CRMP1: variants seen among roughly 807,000 people sequenced by gnomAD.
CRMP1 encodes collapsin response mediator protein 1, also known as dihydropyrimidinase-related protein 1.
CRMP1 carries 19 observed loss-of-function variants against 68.3 expected under a neutral mutation model. The observed-to-expected ratio is 0.28, with a 90% CI of 0.19 to 0.41. The LOEUF (loss-of-function observed/expected upper bound fraction) is 0.41. Among genes scored for constraint, CRMP1 ranks in the 10% least tolerant of loss-of-function variants. The pLI, the probability that CRMP1 is intolerant of heterozygous loss-of-function variation, is 1.00. For missense variants in CRMP1, 791 were observed against 967.4 expected (o/e 0.82, Z 2.42); for synonymous variants, 439 against 399.6 (o/e 1.10, Z -1.18).
rs1228788805 is a variant in CRMP1, at chr4:5,889,493, G to A, written c.381+3096C>T. 2.1e-6 allele frequency: 3 copies of A among 1,432,306 alleles called. No homozygotes were observed. The highest frequency in any genetic ancestry group is 2.8e-6 in the Non-Finnish European group (3 of 1,056,326). The allele number at this position is 1,432,306 out of a possible 1,614,324, so 88.7% of individuals were successfully genotyped here. On this transcript the variant is annotated intron_variant, in intron 1 of 13. Coordinates refer to ENST00000324989, the MANE Select transcript of CRMP1 (RefSeq NM_001014809.3). The surrounding 1 kb of genome is among the most constrained non-coding windows in gnomAD (Gnocchi z 4.5). Reference sequence around the variant, plus strand: ...CAGAGGGAGGTGGGCAGGAAGCCAGGTCACAGCTTGACAAGGTCCGTAACA... The same window carrying A: ...CAGAGGGAGGTGGGCAGGAAGCCAGATCACAGCTTGACAAGGTCCGTAACA...
intron 4 of CRMP1, 66 bp downstream of exon 4, chr4:5,856,077 C>T (rs1713031508): frequency 1.3e-6 from 2 of 1,579,184 alleles, no homozygotes; most frequent in Admixed American, 1.7e-5. Context: ...TTTCACTCCA[C>T]ATAATCTTTG....
chr4:5,836,672 G>T, intron 10 of CRMP1, 93 bp downstream of exon 10: 1 of 1,584,328 alleles, frequency 6.3e-7, no homozygotes, highest in Non-Finnish European at 8.7e-7. Context: ...TGTAAGAAGG[G>T]AACTTTTAAG....
In CRMP1 at chr4:5,888,391, G is replaced by C; in HGVS notation, c.381+4198C>G. On this transcript the variant is annotated intron_variant, in intron 1 of 13. Coordinates refer to ENST00000324989, the MANE Select transcript of CRMP1 (RefSeq NM_001014809.3). The surrounding 1 kb of genome is among the most constrained non-coding windows in gnomAD (Gnocchi z 6.4). ...CCCGGGAGGGATAGAGACACGGACG[G>C]AGGCTCGGCGCCCGTGGATGCCCAC... 1 of 1,222,282 alleles carries C rather than the reference G, an allele frequency of 8.2e-7. No homozygotes were observed. Among genetic ancestry groups the C allele is most frequent in the East Asian group, 3.2e-5 (1 of 30,848 alleles). The allele number at this position is 1,222,282 out of a possible 1,614,324, so 75.7% of individuals were successfully genotyped here.
chr4:5,821,947 A>C lies in CRMP1; in HGVS notation c.1970-96T>G, dbSNP rs1718656754. On this transcript the variant is annotated intron_variant, in intron 13 of 13. Transcript: ENST00000324989. The surrounding 1 kb of genome is among the most constrained non-coding windows in gnomAD (Gnocchi z 4.4). The stretch of plus-strand genomic sequence containing the variant: ...TGTACTCTGCCATGCACTCCACTGG[A>C]CCCACCTTCATTCAGGGCTCAGTCC... 2 of 1,127,130 alleles carry C rather than the reference A, an allele frequency of 1.8e-6. No individual in the cohort carries two copies. The highest frequency in any genetic ancestry group is 1.6e-5 in the African/African-American group (1 of 64,434). 69.8% of individuals were successfully genotyped at this position (1,127,130 alleles called of 1,614,324 possible).
At chr4:5,824,210 G>A (rs1464196382) in intron 13 of CRMP1, 3 of 785,962 alleles carry the variant, frequency 3.8e-6, no homozygotes, top group Non-Finnish European at 4.6e-6. Context: ...CTCCTTGAGA[G>A]CTTGTGTCTT....
Position 5,846,800 on chromosome 4 carries a change from A to G in CRMP1, c.963+2592T>C, listed in dbSNP as rs1712251831. On this transcript the variant is annotated intron_variant, in intron 6 of 13. Coordinates refer to ENST00000324989, the MANE Select transcript of CRMP1 (RefSeq NM_001014809.3). ...TTTTTTTTTTTTTTTTTTTTAGTAG[A>G]GGCAGTGTTTCGCCATGTTGGCCAG... is the stretch of plus-strand genomic sequence containing the variant. 8.2e-5 allele frequency among the ~76,000 whole-genome samples: 8 copies of G among 97,058 alleles called. No homozygotes were observed. In the East Asian group the frequency reaches 1.0e-3, roughly 12 times the overall value. The allele number at this position is 97,058 out of a possible 152,430, so 63.7% of individuals were successfully genotyped here.
chr4:5,863,113 TCC>T (rs1713707436), intron 2 of CRMP1, among the ~76,000 whole-genome samples: 1 of 112,620 alleles, frequency 8.9e-6, no homozygotes, highest in South Asian at 3.3e-4. Flanking sequence ...TTTCTTTTTT[TCC>T]TTTTTTTTTT....
rs1260825471 is a variant in CRMP1, at chr4:5,856,235, G to A, written c.728C>T (p.Thr243Ile). ...GAGGGAGTAATCACAGCAGGATTTGGTGTCAGCTGCTTCGTGCCACTTCTC... is the reference window on the plus strand; with the variant it reads ...GAGGGAGTAATCACAGCAGGATTTGATGTCAGCTGCTTCGTGCCACTTCTC... ...SFEKWHEAADTKSCCDYSLHV... is the reference protein window; with the variant it reads ...SFEKWHEAADIKSCCDYSLHV... Residue 243 changes from threonine (T) to isoleucine (I), a missense_variant, in exon 4 of 14, where the codon ACC becomes ATC. This residue lies in a region of CRMP1 where 594 missense variants were observed against 763.6 expected (regional missense o/e 0.78). Coordinates refer to ENST00000324989, the MANE Select transcript of CRMP1 (RefSeq NM_001014809.3). 1 of 1,613,880 alleles carries A rather than the reference G, an allele frequency of 6.2e-7. No individual in the cohort carries two copies. Among genetic ancestry groups the A allele is most frequent in the East Asian group, 2.2e-5 (1 of 44,900 alleles).
At chr4:5,844,511 C>T (rs1712036966) in intron 6 of CRMP1, among the ~76,000 whole-genome samples, 1 of 152,200 alleles carries the variant, frequency 6.6e-6, no homozygotes. Context: ...GGACTACACA[C>T]ATGCATTTGT....
rs1713397591 is a variant in CRMP1 at position 5,859,745 on chromosome 4, T to C, written c.655+1281A>G. On this transcript the variant is annotated intron_variant, in intron 3 of 13. Coordinates refer to ENST00000324989, the MANE Select transcript of CRMP1 (RefSeq NM_001014809.3). This position sits in a 1 kb window ranked among gnomAD's most constrained non-coding sequence, Gnocchi z 5.2. ...TTGGAAGAGGGATCAGGACAGTGCT[T>C]GCCTCAAAAGTCGAGCCCCACCCTC... 6.6e-6 allele frequency among the ~76,000 whole-genome samples: 1 copy of C among 152,080 alleles called. No individual in the cohort carries two copies. The highest frequency in any genetic ancestry group is 1.5e-5 in the Non-Finnish European group (1 of 68,004).
At position 5,879,081 on chromosome 4, in the gene CRMP1, TCTC is replaced by T. The variant is rs1214720344; in HGVS notation, c.382-12328_382-12326del. ...AATGCAAATCCAACCATGCCTCGCT[TCTC>T]CTCAAAATCCTTCACCAGCTTGTCC... On this transcript the variant is annotated intron_variant, in intron 1 of 13. Transcript: ENST00000324989. This position sits in a 1 kb window ranked among gnomAD's most constrained non-coding sequence, Gnocchi z 4.2. Among the ~76,000 whole-genome samples, 1 of 152,040 alleles carries T rather than the reference TCTC, an allele frequency of 6.6e-6. No individual in the cohort carries two copies. Among genetic ancestry groups the T allele is most frequent in the Non-Finnish European group, 1.5e-5 (1 of 67,996 alleles).
In CRMP1 at chr4:5,839,545, G is replaced by T. The variant is rs1340998808; in HGVS notation, c.1287C>A (p.Asp429Glu). The change falls in exon 9 of 14, where the codon GAC (aspartate) becomes GAA (glutamate). Residue 429 changes from aspartate (D) to glutamate (E), a missense_variant. Coordinates refer to ENST00000324989, the MANE Select transcript of CRMP1 (RefSeq NM_001014809.3). ...PPLSPDPTTP[D>E]YLTSLLACGD... ...ACCAGGCCAGTAGGGAGGTCAAGTA[G>T]TCGGGCGTGGTAGGGTCCGGGCTCA... 1.2e-6 allele frequency: 2 copies of T among 1,610,850 alleles called. No homozygotes were observed. Among genetic ancestry groups the T allele is most frequent in the Admixed American group, 1.7e-5 (1 of 59,626 alleles).
chr4:5,889,797 C>A lies in CRMP1; in HGVS notation c.381+2792G>T. 1 of 1,522,212 alleles carries A rather than the reference C, an allele frequency of 6.6e-7. No individual in the cohort carries two copies. Among genetic ancestry groups the A allele is most frequent in the Non-Finnish European group, 8.8e-7 (1 of 1,138,196 alleles). The allele number at this position is 1,522,212 out of a possible 1,614,324, so 94.3% of individuals were successfully genotyped here. On this transcript the variant is annotated intron_variant, in intron 1 of 13. Coordinates refer to ENST00000324989, the MANE Select transcript of CRMP1 (RefSeq NM_001014809.3). The surrounding 1 kb of genome is among the most constrained non-coding windows in gnomAD (Gnocchi z 4.5). ...GGCTGGGGCCCTGACCTTCACCACC[C>A]CAGGGGCCAGTCCCCTAATCCAGGG...
At chr4:5,863,647 A>G (rs1443783379) in intron 2 of CRMP1, among the ~76,000 whole-genome samples, 4 of 152,130 alleles carry the variant, frequency 2.6e-5, no homozygotes, top group Non-Finnish European at 5.9e-5. Context: ...GTGCAGAAGA[A>G]ACTCTCAACC....
In CRMP1 at chr4:5,850,157, C is replaced by T. The variant is rs1213179119; in HGVS notation, c.883-685G>A. Among the ~76,000 whole-genome samples the T allele has an allele frequency of 1.3e-5, 2 of 152,206 alleles. No homozygotes were observed. Among genetic ancestry groups the T allele is most frequent in the Admixed American group, 1.3e-4 (2 of 15,282 alleles). Reference sequence around the variant, plus strand: ...GCTCCCTCTCCAGGGACACTTGAACCTCAACTTTGTTCTCCATGCATGCAA... The same window carrying T: ...GCTCCCTCTCCAGGGACACTTGAACTTCAACTTTGTTCTCCATGCATGCAA... On this transcript the variant is annotated intron_variant, in intron 5 of 13. Coordinates refer to ENST00000324989, the MANE Select transcript of CRMP1 (RefSeq NM_001014809.3). This position sits in a 1 kb window ranked among gnomAD's most constrained non-coding sequence, Gnocchi z 4.4.
intron 6 of CRMP1, among the ~76,000 whole-genome samples, chr4:5,846,019 G>A (rs756849604): frequency 2.6e-4 from 40 of 152,154 alleles, no homozygotes; most frequent in Non-Finnish European, 4.6e-4. Flanking sequence ...TTTTAGGCTG[G>A]GCATGGTGGC....
At chr4:5,847,293 C>T (rs186686663) in intron 6 of CRMP1, among the ~76,000 whole-genome samples, 5 of 152,224 alleles carry the variant, frequency 3.3e-5, no homozygotes, top group African/African-American at 9.6e-5. Flanking sequence ...CACACCTGGA[C>T]CTGGTTTGGA....
At chr4:5,868,257 A>G (rs988638605) in intron 1 of CRMP1, among the ~76,000 whole-genome samples, 6 of 82,408 alleles carry the variant, frequency 7.3e-5, no homozygotes, top group South Asian at 4.9e-4. Context: ...TCATGACTAT[A>G]TATCTATATA....
chr4:5,860,723 G>A lies in CRMP1; in HGVS notation c.655+303C>T, dbSNP rs1182377413. Among the ~76,000 whole-genome samples, 1 of 151,172 alleles carries A rather than the reference G, an allele frequency of 6.6e-6. No homozygotes were observed. The highest frequency in any genetic ancestry group is 1.5e-5 in the Non-Finnish European group (1 of 67,910). Reference sequence around the variant, plus strand: ...ATTTTGTTTCTAAAAATCTAAATGTGACTTCAGTCTCATGCTAAGCGATTA... The same window carrying A: ...ATTTTGTTTCTAAAAATCTAAATGTAACTTCAGTCTCATGCTAAGCGATTA... On this transcript the variant is annotated intron_variant, in intron 3 of 13. Coordinates refer to ENST00000324989, the MANE Select transcript of CRMP1 (RefSeq NM_001014809.3). The surrounding 1 kb of genome is among the most constrained non-coding windows in gnomAD (Gnocchi z 4.2).
Sources: allele counts gnomAD v4.1 joint callset (sites outside exome capture counted in the v4.1 genomes callset), GRCh38; gene constraint gnomAD v4.1.1; regional missense constraint gnomAD v4.1.1; non-coding constraint Gnocchi (gnomAD v3.1); transcripts MANE v1.5; gene names NCBI Gene and HGNC (gene_info 2026-07-23, HGNC 2026-07-21).